Variants in WWOX observed in about 807,000 individuals in gnomAD.
WWOX encodes WW domain-containing oxidoreductase.
Under a neutral mutation model 46.2 loss-of-function variants are expected in WWOX, and 69 were observed. That is an observed-to-expected ratio of 1.49 (90% confidence interval 1.23 to 1.82). The LOEUF (loss-of-function observed/expected upper bound fraction) is 1.82. WWOX is among the 40% of genes most tolerant of loss of function. The pLI, the probability that WWOX is intolerant of heterozygous loss-of-function variation, is 0.00. For missense variants in WWOX, 919 were observed against 542.6 expected (o/e 1.69, Z -6.89); for synonymous variants, 359 against 202.6 (o/e 1.77, Z -6.56).
intron 8 of WWOX, among the ~76,000 whole-genome samples, chr16:79,068,101 G>A (rs535914733): frequency 3.5e-4 from 54 of 152,282 alleles, no homozygotes; most frequent in African/African-American, 7.0e-4. Flanking sequence ...GGGGGGCTCC[G>A]GAAGATCCCT....
At chr16:78,330,617 G>C (rs1156301160) in intron 5 of WWOX, among the ~76,000 whole-genome samples, 2 of 152,168 alleles carry the variant, frequency 1.3e-5, no homozygotes, top group Non-Finnish European at 2.9e-5. Flanking sequence ...GGATGCTCTC[G>C]ATCTTTTGAC....
intron 8 of WWOX, among the ~76,000 whole-genome samples, chr16:78,530,630 G>C (rs1345741587): frequency 6.6e-6 from 1 of 152,136 alleles, no homozygotes; most frequent in East Asian, 1.9e-4. Flanking sequence ...CAATATTTGA[G>C]TGGAAAAACA....
At chr16:78,378,830 C>G (rs1283021030) in intron 5 of WWOX, among the ~76,000 whole-genome samples, 1 of 152,188 alleles carries the variant, frequency 6.6e-6, no homozygotes, top group Non-Finnish European at 1.5e-5. Context: ...GGTAACACTT[C>G]TCTTGTAAAT....
chr16:78,457,156 T>G (rs188555971), intron 8 of WWOX, among the ~76,000 whole-genome samples: 4 of 152,238 alleles, frequency 2.6e-5, no homozygotes, highest in East Asian at 1.9e-4. Context: ...GTCTGCACCC[T>G]TTTTTGTTTT....
intron 8 of WWOX, among the ~76,000 whole-genome samples, chr16:78,457,605 AG>A (rs1483928444): frequency 4.6e-5 from 7 of 152,078 alleles, no homozygotes; most frequent in Non-Finnish European, 8.8e-5. Flanking sequence ...GGGGCTGCAG[AG>A]GACGCACATG....
In WWOX at chr16:78,243,728, G is replaced by A. The variant is rs141464864; in HGVS notation, c.516+79439G>A. Among the ~76,000 whole-genome samples, 54 of 152,202 alleles carry A rather than the reference G, an allele frequency of 3.5e-4. No individual in the cohort carries two copies. In the East Asian group the frequency reaches 9.9e-3, roughly 28 times the overall value. Reference sequence around the variant, plus strand: ...TGCCCGGCTAAGTTTTGTATTTTGCGTAGAGGCAGTGTTTCTCCATGTTGG... The same window carrying A: ...TGCCCGGCTAAGTTTTGTATTTTGCATAGAGGCAGTGTTTCTCCATGTTGG... On this transcript the variant is annotated intron_variant, in intron 5 of 8. Coordinates refer to ENST00000566780, the MANE Select transcript of WWOX (RefSeq NM_016373.4).
intron 5 of WWOX, among the ~76,000 whole-genome samples, chr16:78,205,180 C>T (rs1165787249): frequency 6.6e-6 from 1 of 152,032 alleles, no homozygotes; most frequent in African/African-American, 2.4e-5. Flanking sequence ...GAGCACATAG[C>T]AGTCTTTTCC....
chr16:78,773,807 T>G (rs992051578), intron 8 of WWOX, among the ~76,000 whole-genome samples: 1 of 152,190 alleles, frequency 6.6e-6, no homozygotes, highest in Non-Finnish European at 1.5e-5. Flanking sequence ...CAGGCAGTAC[T>G]TTGCATGTGA....
intron 8 of WWOX, among the ~76,000 whole-genome samples, chr16:78,469,582 C>A (rs1444125244): frequency 1.3e-5 from 2 of 152,074 alleles, no homozygotes; most frequent in African/African-American, 4.8e-5. Flanking sequence ...TAAAAGGGGT[C>A]TAGTTAAGAG....
intron 6 of WWOX, among the ~76,000 whole-genome samples, chr16:78,388,033 C>T (rs564893135): frequency 5.8e-4 from 89 of 152,214 alleles, no homozygotes; most frequent in South Asian, 1.4e-3. Flanking sequence ...TGACACCACA[C>T]TGCTGTCTAG....
At chr16:78,532,904 T>C (rs2859642) in intron 8 of WWOX, among the ~76,000 whole-genome samples, 120,745 of 152,088 alleles carry the variant, frequency 0.79, 49,825 homozygotes, top group East Asian at 0.97. Context: ...AAACCATTTA[T>C]AAAACTCTAA....
At chr16:78,162,743 C>A (rs1193804045) in intron 4 of WWOX, among the ~76,000 whole-genome samples, 2 of 151,940 alleles carry the variant, frequency 1.3e-5, no homozygotes, top group Non-Finnish European at 2.9e-5. Context: ...GTGTAAGAGC[C>A]TGGGAGAATG....
chr16:79,065,871 T>G (rs1233048888), intron 8 of WWOX, among the ~76,000 whole-genome samples: 1 of 152,256 alleles, frequency 6.6e-6, no homozygotes, highest in Non-Finnish European at 1.5e-5. Context: ...ATTCCTCTTA[T>G]GGTCACAATT....
intron 7 of WWOX, among the ~76,000 whole-genome samples, chr16:78,431,351 C>A (rs190763274): frequency 1.3e-5 from 2 of 152,234 alleles, no homozygotes; most frequent in Non-Finnish European, 2.9e-5. Context: ...AAGGTTATAA[C>A]CCCTTTATAA....
intron 5 of WWOX, among the ~76,000 whole-genome samples, chr16:78,353,214 G>A (rs1032613836): frequency 2.0e-5 from 3 of 152,146 alleles, no homozygotes; most frequent in African/African-American, 7.2e-5. Flanking sequence ...TTTGCAAAGA[G>A]GATTTGAGAT....
intron 8 of WWOX, among the ~76,000 whole-genome samples, chr16:78,812,948 A>T (rs2051229203): frequency 6.6e-6 from 1 of 152,252 alleles, no homozygotes. Flanking sequence ...AAATGGAAAA[A>T]TAAAATCAAA....
chr16:79,172,433 C>T (rs1279263070), intron 8 of WWOX, among the ~76,000 whole-genome samples: 3 of 152,276 alleles, frequency 2.0e-5, no homozygotes, highest in East Asian at 3.9e-4. Context: ...GGGCTGCAAA[C>T]TCAAGAGCAG....
chr16:78,912,487 T>A (rs961686974), intron 8 of WWOX, among the ~76,000 whole-genome samples: 7 of 151,864 alleles, frequency 4.6e-5, no homozygotes, highest in Non-Finnish European at 7.4e-5. Flanking sequence ...ACGGGATCTG[T>A]CAATTGCATT....
chr16:78,947,596 G>C (rs942869404), intron 8 of WWOX, among the ~76,000 whole-genome samples: 1 of 152,190 alleles, frequency 6.6e-6, no homozygotes, highest in Non-Finnish European at 1.5e-5. Context: ...GATAAGGCAG[G>C]GGTGTCTGTC....
Sources: allele counts gnomAD v4.1 joint callset (sites outside exome capture counted in the v4.1 genomes callset), GRCh38; gene constraint gnomAD v4.1.1; transcripts MANE v1.5; gene names NCBI Gene and HGNC (gene_info 2026-07-23, HGNC 2026-07-21).